Variants in DYNLRB1 observed in about 807,000 individuals in gnomAD.
DYNLRB1 encodes the protein ROBL/LC7-like 1.
DYNLRB1 carries 6 observed loss-of-function variants against 13.5 expected under a neutral mutation model. The ratio of observed to expected loss-of-function variants is 0.44; its 90% CI spans 0.24 to 0.88. The LOEUF (loss-of-function observed/expected upper bound fraction) is 0.88, where lower values mean the gene tolerates loss of function less well. Among genes scored for constraint, DYNLRB1 ranks in the 40% least tolerant of loss-of-function variants. The pLI is 0.21. For missense variants in DYNLRB1, 93 were observed against 127.2 expected, an observed-to-expected ratio of 0.73 and a Z score of 1.29; for synonymous variants, 43 against 45.0, an observed-to-expected ratio of 0.96 and a Z score of 0.18.
chr20:34,529,802 C>G, intron 2 of DYNLRB1: 1 of 1,382,872 alleles, frequency 7.2e-7, no homozygotes, highest in Non-Finnish European at 9.4e-7. Flanking sequence ...AGAACGTGCT[C>G]CCCAGCCCTG....
rs565227657 is a variant in DYNLRB1, at chr20:34,516,445, CG to C, written c.-12del. 1.4e-3 allele frequency: 2,193 copies of C among 1,613,386 alleles called. 27 individuals are homozygous for C. In the African/African-American group the frequency reaches 0.026, roughly 19 times the overall value. ...CTAAGTGTTCGCTACGCGGGGCTACCGGATCGGTCGGAAATGGTGAGCGTGC... is the reference window on the plus strand; with the variant it reads ...CTAAGTGTTCGCTACGCGGGGCTACCGATCGGTCGGAAATGGTGAGCGTGC... On this transcript the variant is annotated 5_prime_UTR_variant, in exon 1 of 4. Coordinates refer to ENST00000357156, the MANE Select transcript of DYNLRB1 (RefSeq NM_014183.4).
intron 3 of DYNLRB1, chr20:34,536,111 G>C (rs781554098): frequency 2.5e-5 from 25 of 985,322 alleles, no homozygotes; most frequent in Non-Finnish European, 2.9e-5. Flanking sequence ...TTCAGTCACA[G>C]AGAAGAACAT....
chr20:34,516,727 G>T, intron 1 of DYNLRB1: 1 of 1,542,162 alleles, frequency 6.5e-7, no homozygotes, highest in Non-Finnish European at 8.8e-7. Flanking sequence ...GATGGGCGAG[G>T]GGTGGGCGGC....
At chr20:34,526,747 T>C (rs1468758491) in intron 2 of DYNLRB1, 3 of 177,406 alleles carry the variant, frequency 1.7e-5, no homozygotes, top group Non-Finnish European at 3.6e-5. Context: ...TGGGCATATG[T>C]TTACACTTGA....
chr20:34,520,357 A>G (rs535193908), intron 1 of DYNLRB1, among the ~76,000 whole-genome samples: 3 of 152,302 alleles, frequency 2.0e-5, no homozygotes, highest in East Asian at 1.9e-4. Context: ...GTGATTAACT[A>G]CTTAGTGACT....
intron 1 of DYNLRB1, among the ~76,000 whole-genome samples, chr20:34,522,456 C>CTTTTTT (rs1026721523): frequency 8.7e-6 from 1 of 114,656 alleles, no homozygotes; most frequent in Non-Finnish European, 1.9e-5. Context: ...TTCTTTCTTT[C>CTTTTTT]TTTTTTCTTT....
chr20:34,533,456 C>T, intron 2 of DYNLRB1: 2 of 985,120 alleles, frequency 2.0e-6, no homozygotes, highest in Non-Finnish European at 2.4e-6. Flanking sequence ...CTACCCAAGC[C>T]TCCCTTGGGT....
At chr20:34,536,424 A>G (rs2146651695) in intron 3 of DYNLRB1, 1 of 985,384 alleles carries the variant, frequency 1.0e-6, no homozygotes. Context: ...ATGTTGTGTG[A>G]CTGCAGAGGA....
In DYNLRB1 at chr20:34,520,990, A is replaced by C. The variant is rs145779585; in HGVS notation, c.3+4529A>C. ...GTAATAACAATGCCAGCATTTAAAA[A>C]TAAACCTCAGCATTGCTATAATTTT... On this transcript the variant is annotated intron_variant, in intron 1 of 3. Coordinates refer to ENST00000357156, the MANE Select transcript of DYNLRB1 (RefSeq NM_014183.4). Among the ~76,000 whole-genome samples, 61 of 152,302 alleles carry C rather than the reference A, an allele frequency of 4.0e-4. 1 individual carries two copies. The East Asian group carries it at 0.011, about 28-fold the overall frequency.
At chr20:34,534,819 T>C in intron 3 of DYNLRB1, 24 bp downstream of exon 3, 6 of 1,613,884 alleles carry the variant, frequency 3.7e-6, no homozygotes, top group Non-Finnish European at 5.1e-6. Context: ...TACCTCCCCA[T>C]GTAGGAACAG....
chr20:34,518,702 CGTT>C (rs757132509), intron 1 of DYNLRB1, among the ~76,000 whole-genome samples: 6 of 151,904 alleles, frequency 3.9e-5, no homozygotes, highest in Non-Finnish European at 7.4e-5. Flanking sequence ...GATTCACCCA[CGTT>C]GGCCTCCCAA....
chr20:34,528,337 A>C (rs1415620753), intron 2 of DYNLRB1, among the ~76,000 whole-genome samples: 1 of 35,324 alleles, frequency 2.8e-5, no homozygotes, highest in Non-Finnish European at 7.0e-5. Context: ...AAAAAAAAAA[A>C]AAAAAAACTA....
At chr20:34,540,082 G>GGTC (rs1453024883) in intron 3 of DYNLRB1, among the ~76,000 whole-genome samples, 1 of 152,236 alleles carries the variant, frequency 6.6e-6, no homozygotes, top group Non-Finnish European at 1.5e-5. Flanking sequence ...TTAAGCCAGT[G>GGTC]GTCCTCCCAC....
At position 34,516,886 on chromosome 20, in the gene DYNLRB1, A is replaced by G. The variant is rs1220249406; in HGVS notation, c.3+425A>G. ...CTCCCAGCTCTGTGAGGTAGATACA[A>G]TCTTTAGTCCCATTTTGTTATACAT... On this transcript the variant is annotated intron_variant, in intron 1 of 3. Transcript: ENST00000357156. The G allele has an allele frequency of 2.0e-6, 3 of 1,501,100 alleles. No individual in the cohort carries two copies. In the South Asian group the frequency reaches 3.9e-5, roughly 20 times the overall value. The allele number at this position is 1,501,100 out of a possible 1,614,324, so 93.0% of individuals were successfully genotyped here.
At chr20:34,527,712 G>A (rs951735000) in intron 2 of DYNLRB1, among the ~76,000 whole-genome samples, 68 of 152,178 alleles carry the variant, frequency 4.5e-4, no homozygotes, top group Non-Finnish European at 8.5e-4. Context: ...TGATCAGACA[G>A]GTTTAGAAAA....
chr20:34,531,685 C>T (rs1193331955), intron 2 of DYNLRB1, among the ~76,000 whole-genome samples: 1 of 152,224 alleles, frequency 6.6e-6, no homozygotes, highest in African/African-American at 2.4e-5. Context: ...TCTAGGGACA[C>T]TAGTGAGCAA....
At chr20:34,533,944 C>G (rs1018287745) in intron 2 of DYNLRB1, among the ~76,000 whole-genome samples, 2 of 152,196 alleles carry the variant, frequency 1.3e-5, no homozygotes, top group Non-Finnish European at 2.9e-5. Flanking sequence ...CAAGACCAGC[C>G]TGGCAAACAT....
chr20:34,529,718 A>T, intron 2 of DYNLRB1: 1 of 837,314 alleles, frequency 1.2e-6, no homozygotes, highest in Non-Finnish European at 1.6e-6. Flanking sequence ...GACAAGAATG[A>T]AACTCGGTCT....
chr20:34,524,767 A>G (rs1031161806), intron 1 of DYNLRB1, among the ~76,000 whole-genome samples: 4 of 146,202 alleles, frequency 2.7e-5, no homozygotes, highest in African/African-American at 1.0e-4. Flanking sequence ...CCAGTCGCCC[A>G]TGCTGGAGTG....
Sources: allele counts gnomAD v4.1 joint callset (sites outside exome capture counted in the v4.1 genomes callset), GRCh38; gene constraint gnomAD v4.1.1; transcripts MANE v1.5; gene names NCBI Gene and HGNC (gene_info 2026-07-23, HGNC 2026-07-21).